MYRIP: variants seen among roughly 807,000 people sequenced by gnomAD.
MYRIP encodes rab effector MyRIP.
A neutral mutation model predicts 98.0 loss-of-function variants in MYRIP; 49 were observed. The ratio of observed to expected loss-of-function variants is 0.50; its 90% CI spans 0.40 to 0.63. The LOEUF is 0.63. MYRIP is among the 30% of genes least tolerant of loss of function. The pLI, the probability that MYRIP is intolerant of heterozygous loss-of-function variation, is 0.00. For missense variants in MYRIP, 1,004 were observed against 1,058.2 expected, an observed-to-expected ratio of 0.95 and a Z score of 0.71; for synonymous variants, 404 against 409.5, an observed-to-expected ratio of 0.99 and a Z score of 0.16.
chr3:39,901,300 T>G (rs1033646199), intron 2 of MYRIP, among the ~76,000 whole-genome samples: 1 of 152,232 alleles, frequency 6.6e-6, no homozygotes, highest in Non-Finnish European at 1.5e-5. Flanking sequence ...GTCTCATGCA[T>G]GTACAATGTT....
At chr3:40,154,284 G>A (rs140986321) in intron 4 of MYRIP, among the ~76,000 whole-genome samples, 1,686 of 152,242 alleles carry the variant, frequency 0.011, 11 homozygotes, top group Non-Finnish European at 0.018. Context: ...CACAGCAGCT[G>A]ACCAGATTAG....
intron 3 of MYRIP, chr3:40,071,245 T>G (rs1454438227): frequency 1.0e-5 from 10 of 963,562 alleles, no homozygotes; most frequent in Non-Finnish European, 1.2e-5. Flanking sequence ...CTTGCTGGAG[T>G]TGGGGTCAGA....
chr3:40,150,080 CT>C (rs879856249), intron 3 of MYRIP, among the ~76,000 whole-genome samples: 39 of 146,476 alleles, frequency 2.7e-4, no homozygotes, highest in Admixed American at 4.8e-4. Context: ...TCTTGTCTTT[CT>C]TTTTTTTTTT....
chr3:40,219,853 A>G (rs1292723381), intron 11 of MYRIP, among the ~76,000 whole-genome samples: 2 of 150,828 alleles, frequency 1.3e-5, no homozygotes, highest in African/African-American at 4.9e-5. Flanking sequence ...TATACCCAGT[A>G]ATGGGATGGC....
At chr3:39,993,819 AG>A (rs2125774719) in intron 2 of MYRIP, among the ~76,000 whole-genome samples, 1 of 152,258 alleles carries the variant, frequency 6.6e-6, no homozygotes, top group African/African-American at 2.4e-5. Context: ...AGGGTCTGAG[AG>A]GGAGGGATAA....
intron 2 of MYRIP, among the ~76,000 whole-genome samples, chr3:39,945,679 T>G (rs1185046758): frequency 6.6e-6 from 1 of 151,922 alleles, no homozygotes; most frequent in Non-Finnish European, 1.5e-5. Flanking sequence ...TTTAGTCAAT[T>G]AAAAAGTTAA....
chr3:40,231,474 A>G (rs934530899), intron 11 of MYRIP, among the ~76,000 whole-genome samples: 3 of 152,090 alleles, frequency 2.0e-5, no homozygotes, highest in Admixed American at 1.3e-4. Context: ...TGCATATCTC[A>G]CAGGAGGTAT....
chr3:39,989,663 C>T (rs906521958), intron 2 of MYRIP, among the ~76,000 whole-genome samples: 4 of 109,132 alleles, frequency 3.7e-5, no homozygotes, highest in East Asian at 4.4e-4. Context: ...CCACCCCTCC[C>T]GCTAGGGCTC....
chr3:40,194,720 CTT>C (rs1304312983), intron 10 of MYRIP, among the ~76,000 whole-genome samples: 49 of 152,176 alleles, frequency 3.2e-4, no homozygotes, highest in African/African-American at 1.1e-3. Flanking sequence ...TTTATTCCCA[CTT>C]ATTTACTTTC....
chr3:40,051,379 A>G (rs1385547693), intron 3 of MYRIP, among the ~76,000 whole-genome samples: 1 of 152,176 alleles, frequency 6.6e-6, no homozygotes, highest in Non-Finnish European at 1.5e-5. Flanking sequence ...TTCTTTAGCA[A>G]TAATGTATTT....
intron 16 of MYRIP, among the ~76,000 whole-genome samples, chr3:40,256,446 G>A (rs1450679593): frequency 6.6e-6 from 1 of 150,798 alleles, no homozygotes; most frequent in African/African-American, 2.4e-5. Context: ...GAAAATTCCC[G>A]ACATCAAAAA....
chr3:39,817,532 T>C (rs1940960343), intron 1 of MYRIP, among the ~76,000 whole-genome samples: 1 of 152,224 alleles, frequency 6.6e-6, no homozygotes, highest in Non-Finnish European at 1.5e-5. Context: ...TAAAAACATT[T>C]TTTAAAATGG....
intron 2 of MYRIP, among the ~76,000 whole-genome samples, chr3:40,031,022 T>C (rs779610523): frequency 2.6e-5 from 4 of 152,112 alleles, no homozygotes; most frequent in Non-Finnish European, 4.4e-5. Flanking sequence ...GAAAGGAAAA[T>C]TCCTAGAGGG....
rs142612416 is a variant in MYRIP, at chr3:39,986,145, T to C, written c.111-57905T>C. Reference sequence around the variant, plus strand: ...CCTCTATTTCTGCACAAATTGATATTACTATTACTTGCTAGTGTTAGGTGG... The same window carrying C: ...CCTCTATTTCTGCACAAATTGATATCACTATTACTTGCTAGTGTTAGGTGG... On this transcript the variant is annotated intron_variant, in intron 2 of 16. Coordinates refer to ENST00000302541, the MANE Select transcript of MYRIP (RefSeq NM_015460.4). Among the ~76,000 whole-genome samples, 291 of 152,292 alleles carry C rather than the reference T, an allele frequency of 1.9e-3. 3 individuals carry two copies. Among genetic ancestry groups the C allele is most frequent in the African/African-American group, 6.6e-3 (274 of 41,572 alleles).
At chr3:40,124,621 G>T (rs1383844882) in intron 3 of MYRIP, among the ~76,000 whole-genome samples, 1 of 152,324 alleles carries the variant, frequency 6.6e-6, no homozygotes, top group East Asian at 1.9e-4. Context: ...GCTTCTCCTG[G>T]AGAGAAAGGC....
At chr3:40,072,942 T>C (rs370957566) in intron 3 of MYRIP, among the ~76,000 whole-genome samples, 13 of 152,374 alleles carry the variant, frequency 8.5e-5, no homozygotes, top group African/African-American at 3.1e-4. Context: ...TTCTCCTATA[T>C]TCTTTATGAT....
At chr3:40,208,783 C>A (rs1951845702) in intron 10 of MYRIP, among the ~76,000 whole-genome samples, 1 of 152,172 alleles carries the variant, frequency 6.6e-6, no homozygotes, top group African/African-American at 2.4e-5. Context: ...TATTTATGGG[C>A]TGTGAGAATC....
At chr3:39,810,087 T>C (rs1169700040) in intron 1 of MYRIP, among the ~76,000 whole-genome samples, 171 bp downstream of exon 1, 1 of 152,220 alleles carries the variant, frequency 6.6e-6, no homozygotes, top group African/African-American at 2.4e-5. Flanking sequence ...CCAGTCAGCC[T>C]CTGCGGAGGG....
At chr3:40,153,821 T>G (rs1446919396) in intron 4 of MYRIP, among the ~76,000 whole-genome samples, 2 of 152,206 alleles carry the variant, frequency 1.3e-5, no homozygotes, top group Non-Finnish European at 2.9e-5. Context: ...GTCTTCACTA[T>G]GCGGATCACT....
Sources: gnomAD v4.1 joint callset for allele counts (sites outside exome capture counted in the v4.1 genomes callset) on GRCh38, gnomAD v4.1.1 for gene constraint, MANE v1.5 for transcripts, NCBI Gene and HGNC (gene_info 2026-07-23, HGNC 2026-07-21) for gene names.